ARID5B: variants seen among roughly 807,000 people sequenced by gnomAD.
ARID5B encodes the protein AT-rich interactive domain-containing protein 5B.
Under a neutral mutation model 97.2 loss-of-function variants are expected in ARID5B, and 13 were observed. The ratio of observed to expected loss-of-function variants is 0.13; its 90% confidence interval spans 0.09 to 0.21. The LOEUF is 0.21. Among genes scored for constraint, ARID5B ranks in the 10% least tolerant of loss-of-function variants. The pLI is 1.00. For synonymous variants in ARID5B, 556 were observed against 570.3 expected (o/e 0.97, Z 0.36); for missense variants, 1,210 against 1,465.3 (o/e 0.83, Z 2.84).
chr10:61,910,278 A>C (rs1394985788), intron 2 of ARID5B, among the ~76,000 whole-genome samples: 1 of 152,256 alleles, frequency 6.6e-6, no homozygotes, highest in Non-Finnish European at 1.5e-5. Context: ...AAGCTCATTT[A>C]TCAAAGTCTA....
intron 3 of ARID5B, among the ~76,000 whole-genome samples, chr10:61,990,163 T>A (rs1838904047): frequency 1.3e-5 from 2 of 152,218 alleles, no homozygotes; most frequent in Admixed American, 1.3e-4. Context: ...CCTTCTTTCC[T>A]TGTTGAGCTG....
At position 62,000,769 on chromosome 10, in the gene ARID5B, C is replaced by T. The variant is rs759062991; in HGVS notation, c.733+448C>T. Among the ~76,000 whole-genome samples, 8 of 151,940 alleles carry T rather than the reference C, an allele frequency of 5.3e-5. No individual in the cohort carries two copies. The highest frequency in any genetic ancestry group is 8.8e-5 in the Non-Finnish European group (6 of 67,996). ...AGATAGAAAGAAAACAACTTCAGTA[C>T]TGTATGGTGGATAAATAGATAACCA... On this transcript the variant is annotated intron_variant, in intron 4 of 9. Transcript: ENST00000279873. The surrounding 1 kb of genome is among the most constrained non-coding windows in gnomAD (Gnocchi z 4.4).
intron 3 of ARID5B, among the ~76,000 whole-genome samples, chr10:61,962,880 T>C (rs940604303): frequency 2.2e-4 from 33 of 152,198 alleles, no homozygotes; most frequent in African/African-American, 7.2e-4. Flanking sequence ...AGGCTATAAA[T>C]ACATGGAGGG....
intron 2 of ARID5B, among the ~76,000 whole-genome samples, chr10:61,917,389 C>T (rs939831596): frequency 2.0e-5 from 3 of 151,992 alleles, no homozygotes; most frequent in Admixed American, 6.6e-5. Context: ...TGCAGTGATG[C>T]CATCTCGGCT....
intron 8 of ARID5B, among the ~76,000 whole-genome samples, chr10:62,070,088 G>A (rs560227959): frequency 1.3e-5 from 2 of 150,660 alleles, no homozygotes; most frequent in Admixed American, 1.3e-4. Flanking sequence ...GTTCTCTTTA[G>A]GCTCTCTTAA....
At chr10:62,057,904 C>A (rs752077034) in intron 6 of ARID5B, among the ~76,000 whole-genome samples, 5 of 152,106 alleles carry the variant, frequency 3.3e-5, no homozygotes, top group African/African-American at 1.2e-4. Context: ...AAACTCATAG[C>A]CAAACAGAAT....
At chr10:61,938,394 T>C (rs528553459) in intron 2 of ARID5B, among the ~76,000 whole-genome samples, 1 of 152,224 alleles carries the variant, frequency 6.6e-6, no homozygotes, top group Non-Finnish European at 1.5e-5. Context: ...TCTTTACTAA[T>C]GTTGAGACTG....
intron 7 of ARID5B, among the ~76,000 whole-genome samples, chr10:62,068,630 T>C (rs559968121): frequency 1.3e-5 from 2 of 152,048 alleles, no homozygotes; most frequent in Non-Finnish European, 2.9e-5. Context: ...TGCTTGACTG[T>C]ATTAAATTCC....
intron 2 of ARID5B, among the ~76,000 whole-genome samples, chr10:61,915,270 C>T (rs1464379282): frequency 1.3e-5 from 2 of 152,258 alleles, no homozygotes; most frequent in East Asian, 3.9e-4. Context: ...CAGATCCTGC[C>T]GCCATGGAGC....
chr10:62,061,190 A>T (rs1362630151), intron 7 of ARID5B, among the ~76,000 whole-genome samples: 1 of 152,184 alleles, frequency 6.6e-6, no homozygotes, highest in Non-Finnish European at 1.5e-5. Context: ...AATAATGATC[A>T]AACAAGGTGG....
intron 4 of ARID5B, among the ~76,000 whole-genome samples, chr10:62,045,056 T>C (rs1839688509): frequency 6.6e-6 from 1 of 152,196 alleles, no homozygotes; most frequent in Non-Finnish European, 1.5e-5. Context: ...AAATAAAAAT[T>C]TCAGGGACTT....
intron 4 of ARID5B, among the ~76,000 whole-genome samples, chr10:62,021,456 G>A (rs1335319400): frequency 6.6e-6 from 1 of 152,172 alleles, no homozygotes. Context: ...TGGAATATAT[G>A]TAGCATTTGA....
chr10:62,048,149 G>A (rs976942244), intron 4 of ARID5B, among the ~76,000 whole-genome samples: 1 of 152,340 alleles, frequency 6.6e-6, no homozygotes, highest in East Asian at 1.9e-4. Flanking sequence ...AGTATACCAC[G>A]TGTGAGGTTG....
intron 2 of ARID5B, among the ~76,000 whole-genome samples, chr10:61,902,955 T>A (rs900565901): frequency 2.0e-5 from 3 of 152,076 alleles, no homozygotes; most frequent in African/African-American, 7.2e-5. Flanking sequence ...TTGAATAAAG[T>A]GATAAATGAC....
At chr10:62,071,510 AAGAATGAAAAC>A (rs1247537865) in intron 8 of ARID5B, among the ~76,000 whole-genome samples, 2 of 151,990 alleles carry the variant, frequency 1.3e-5, no homozygotes, top group African/African-American at 4.8e-5. Flanking sequence ...CATCTAGTTA[AAGAATGAAAAC>A]ATCAATCAAA....
At chr10:62,018,809 C>G (rs1589260458) in intron 4 of ARID5B, among the ~76,000 whole-genome samples, 1 of 152,260 alleles carries the variant, frequency 6.6e-6, no homozygotes, top group Non-Finnish European at 1.5e-5. Context: ...ATTTACAGTT[C>G]ACCAAGAACA....
At chr10:62,038,253 G>C (rs924723486) in intron 4 of ARID5B, among the ~76,000 whole-genome samples, 4 of 151,754 alleles carry the variant, frequency 2.6e-5, no homozygotes, top group Non-Finnish European at 4.4e-5. Flanking sequence ...TAAATTTGGA[G>C]TTCAGAATTT....
chr10:61,996,141 T>G (rs568541652), intron 3 of ARID5B, among the ~76,000 whole-genome samples: 9 of 152,130 alleles, frequency 5.9e-5, no homozygotes, highest in African/African-American at 1.9e-4. Flanking sequence ...AGAAAGTTAA[T>G]GTACATGAAT....
At chr10:61,905,363 C>T (rs999351954) in intron 2 of ARID5B, among the ~76,000 whole-genome samples, 14 of 151,192 alleles carry the variant, frequency 9.3e-5, no homozygotes, top group African/African-American at 3.2e-4. Flanking sequence ...AATGTAAAGA[C>T]GTCAGTTCTA....
Sources: allele counts gnomAD v4.1 joint callset (sites outside exome capture counted in the v4.1 genomes callset), GRCh38; gene constraint gnomAD v4.1.1; non-coding constraint Gnocchi (gnomAD v3.1); transcripts MANE v1.5; gene names NCBI Gene and HGNC (gene_info 2026-07-23, HGNC 2026-07-21).